The following PPP2R2C variants were observed in gnomAD, a reference collection of about 807,000 sequenced individuals.
PPP2R2C encodes the protein protein phosphatase 2, regulatory subunit B, gamma.
In PPP2R2C, 10 loss-of-function variants were observed where a neutral mutation model predicts 45.3. The ratio of observed to expected loss-of-function variants is 0.22; its 90% confidence interval spans 0.14 to 0.37. The LOEUF (loss-of-function observed/expected upper bound fraction) is 0.37. PPP2R2C is among the 10% of genes least tolerant of loss of function. The pLI is 1.00. For synonymous variants in PPP2R2C, 257 were observed against 245.4 expected, an observed-to-expected ratio of 1.05 and a Z score of -0.44; for missense variants, 308 against 619.7, an observed-to-expected ratio of 0.50 and a Z score of 5.34.
Position 6,378,627 on chromosome 4 carries a change from T to C in PPP2R2C, c.169-55A>G, listed in dbSNP as rs554283492. 164 of 1,565,180 alleles carry C rather than the reference T, an allele frequency of 1.0e-4. 1 individual carries two copies. In the East Asian group the frequency reaches 3.7e-3, roughly 35 times the overall value. On this transcript the variant is annotated intron_variant, in intron 2 of 8. Transcript: ENST00000382599. This position sits in a 1 kb window ranked among gnomAD's most constrained non-coding sequence, Gnocchi z 5.2. ...GCACCGTGACCTGCAGGGCGACGGC[T>C]AGGACCTCCGGGGACCCAGCAGGGC...
At chr4:6,509,400 A>T (rs1723351535) in intron 2 of PPP2R2C, among the ~76,000 whole-genome samples, 1 of 152,174 alleles carries the variant, frequency 6.6e-6, no homozygotes, top group South Asian at 2.1e-4. Context: ...CACAAGAGAT[A>T]TTCAGGGGGA....
At chr4:6,336,442 C>T (rs993984441) in intron 6 of PPP2R2C, among the ~76,000 whole-genome samples, 1 of 152,042 alleles carries the variant, frequency 6.6e-6, no homozygotes, top group Non-Finnish European at 1.5e-5. Context: ...CCTTGAACGC[C>T]TTCACCTCCC....
intron 2 of PPP2R2C, among the ~76,000 whole-genome samples, chr4:6,512,098 G>A (rs1381731304): frequency 1.7e-4 from 8 of 47,460 alleles, no homozygotes; most frequent in Admixed American, 2.4e-4. Flanking sequence ...GGTGGTGGTG[G>A]TGGTGGTGGT....
chr4:6,409,903 T>A (rs1016224681), intron 1 of PPP2R2C, among the ~76,000 whole-genome samples: 1 of 152,214 alleles, frequency 6.6e-6, no homozygotes, highest in Non-Finnish European at 1.5e-5. Flanking sequence ...TTATCTAACA[T>A]CTGGTGGATG....
chr4:6,546,371 A>T (rs897741221), intron 1 of PPP2R2C, among the ~76,000 whole-genome samples: 1 of 152,252 alleles, frequency 6.6e-6, no homozygotes, highest in African/African-American at 2.4e-5. Context: ...AGTAGTGGTC[A>T]TAGCAATAGG....
chr4:6,377,189 G>C (rs1314192499), intron 3 of PPP2R2C, among the ~76,000 whole-genome samples: 2 of 152,214 alleles, frequency 1.3e-5, no homozygotes, highest in Admixed American at 1.3e-4. Flanking sequence ...ACGTCCTCGG[G>C]GAAGGCGTGG....
chr4:6,361,929 G>A (rs1713781572), intron 5 of PPP2R2C, among the ~76,000 whole-genome samples: 1 of 152,206 alleles, frequency 6.6e-6, no homozygotes, highest in Admixed American at 6.5e-5. Flanking sequence ...TTATAACGAG[G>A]CCCTGAGATG....
At chr4:6,366,024 C>T (rs6855700) in intron 5 of PPP2R2C, among the ~76,000 whole-genome samples, 22,292 of 152,140 alleles carry the variant, frequency 0.15, 3,681 homozygotes, top group African/African-American at 0.41. Flanking sequence ...CTTAAACAGA[C>T]GTTGAAACTG....
intron 1 of PPP2R2C, chr4:6,382,933 C>G: frequency 9.2e-7 from 1 of 1,089,636 alleles, no homozygotes; most frequent in Non-Finnish European, 1.1e-6. Flanking sequence ...GAGAAAAGCA[C>G]AGAGTGTTCT....
rs1483234322 is a variant in PPP2R2C, at chr4:6,368,349, G to T, written c.625+4174C>A. 1.3e-5 allele frequency among the ~76,000 whole-genome samples: 2 copies of T among 152,108 alleles called. No homozygotes were observed. Among genetic ancestry groups the T allele is most frequent in the Admixed American group, 6.5e-5 (1 of 15,272 alleles). On this transcript the variant is annotated intron_variant, in intron 5 of 8. Transcript: ENST00000382599. This position sits in a 1 kb window ranked among gnomAD's most constrained non-coding sequence, Gnocchi z 4.2. ...CCACCGACTCCCTGTAGCACCCACG[G>T]ACCACCTGCTCCAATGCCGGGTATT...
rs531576503 is a variant in PPP2R2C, at chr4:6,558,779, G to T, written c.-59+4781C>A. Among the ~76,000 whole-genome samples the T allele has an allele frequency of 2.0e-5, 3 of 152,210 alleles. No individual in the cohort carries two copies. The East Asian group carries it at 5.8e-4, about 29-fold the overall frequency. ...AGCCAAGCTTGGAATGAAGACCTGG[G>T]CAACCGGTCCACTCCAGACCCAGGA... On this transcript the variant is annotated intron_variant, in intron 1 of 9. Transcript: ENST00000506140.
At chr4:6,493,110 GCC>G (rs1166318236) in intron 2 of PPP2R2C, among the ~76,000 whole-genome samples, 1 of 151,968 alleles carries the variant, frequency 6.6e-6, no homozygotes, top group African/African-American at 2.4e-5. Context: ...GCAAGCCTCG[GCC>G]CCTCACTTTG....
At chr4:6,522,845 G>C (rs1053840287) in intron 2 of PPP2R2C, among the ~76,000 whole-genome samples, 1 of 152,258 alleles carries the variant, frequency 6.6e-6, no homozygotes, top group African/African-American at 2.4e-5. Context: ...CAGACAAACA[G>C]ACAGACACAC....
At chr4:6,464,447 G>A (rs1344142667) in intron 1 of PPP2R2C, among the ~76,000 whole-genome samples, 5 of 152,196 alleles carry the variant, frequency 3.3e-5, no homozygotes, top group African/African-American at 1.2e-4. Flanking sequence ...GGAGAGGAGA[G>A]TCCACATTTC....
chr4:6,523,154 G>C (rs1479668663), intron 2 of PPP2R2C, among the ~76,000 whole-genome samples: 1 of 152,228 alleles, frequency 6.6e-6, no homozygotes, highest in Non-Finnish European at 1.5e-5. Flanking sequence ...GCCCTCAGAG[G>C]GGCAAGTGCT....
chr4:6,373,901 A>ATGTGTGTGTG (rs60094669), intron 4 of PPP2R2C, among the ~76,000 whole-genome samples: 31 of 146,552 alleles, frequency 2.1e-4, no homozygotes, highest in Admixed American at 1.4e-3. Flanking sequence ...ATGTGCATGC[A>ATGTGTGTGTG]TGTGTGTGTG....
intron 2 of PPP2R2C, among the ~76,000 whole-genome samples, chr4:6,482,653 A>G (rs1383458336): frequency 1.3e-5 from 2 of 152,118 alleles, no homozygotes. Context: ...ATTCTCTTGG[A>G]TTTTCTACGT....
intron 1 of PPP2R2C, among the ~76,000 whole-genome samples, chr4:6,433,863 C>T (rs866130691): frequency 1.3e-5 from 2 of 152,174 alleles, no homozygotes; most frequent in Non-Finnish European, 2.9e-5. Context: ...GGTTCGAACT[C>T]GAACAGCTGA....
intron 5 of PPP2R2C, chr4:6,349,489 T>C (rs1712331347): frequency 2.0e-6 from 2 of 985,304 alleles, no homozygotes; most frequent in South Asian, 4.7e-5. Context: ...TATTATTTTC[T>C]ATCTGGAAAA....
Sources: allele counts gnomAD v4.1 joint callset (sites outside exome capture counted in the v4.1 genomes callset), GRCh38; gene constraint gnomAD v4.1.1; non-coding constraint Gnocchi (gnomAD v3.1); transcripts MANE v1.5; gene names NCBI Gene and HGNC (gene_info 2026-07-23, HGNC 2026-07-21).